Variants in SORCS2 observed in about 807,000 individuals in gnomAD.
SORCS2 encodes VPS10 domain-containing receptor SorCS2.
In SORCS2, 100 loss-of-function variants were observed where a neutral mutation model predicts 141.6. The observed-to-expected ratio is 0.71, with a 90% CI of 0.60 to 0.83. SORCS2 has a LOEUF of 0.83. Among genes scored for constraint, SORCS2 ranks in the 40% least tolerant of loss-of-function variants. The probability of loss-of-function intolerance (pLI) is 0.00; values close to 1 mark genes in which losing one functional copy is unlikely to be tolerated. For missense variants in SORCS2, 1,646 were observed against 1,560.2 expected (o/e 1.05, Z -0.93); for synonymous variants, 789 against 676.9 (o/e 1.17, Z -2.57).
At chr4:7,369,778 G>C (rs374083057) in intron 1 of SORCS2, among the ~76,000 whole-genome samples, 4 of 152,164 alleles carry the variant, frequency 2.6e-5, no homozygotes, top group African/African-American at 7.2e-5. Context: ...CGTGGATTTC[G>C]TCAGCGCATC....
intron 1 of SORCS2, among the ~76,000 whole-genome samples, chr4:7,320,920 T>G (rs1240293604): frequency 3.5e-5 from 5 of 143,092 alleles, no homozygotes; most frequent in Admixed American, 6.9e-5. Flanking sequence ...TCTTTCCTCT[T>G]TCTCCTTTCT....
intron 3 of SORCS2, among the ~76,000 whole-genome samples, chr4:7,637,690 G>A (rs112164528): frequency 2.0e-5 from 3 of 152,294 alleles, no homozygotes; most frequent in African/African-American, 4.8e-5. Context: ...GCCCAGCCCA[G>A]GCACTCATGA....
At chr4:7,635,446 T>G (rs1720179695) in intron 3 of SORCS2, among the ~76,000 whole-genome samples, 1 of 152,220 alleles carries the variant, frequency 6.6e-6, no homozygotes, top group Non-Finnish European at 1.5e-5. Flanking sequence ...CCAATCACTC[T>G]TACGTCCCGC....
chr4:7,559,680 C>G (rs1457440002), intron 3 of SORCS2, among the ~76,000 whole-genome samples: 2 of 152,198 alleles, frequency 1.3e-5, no homozygotes, highest in African/African-American at 4.8e-5. Flanking sequence ...CACCTGCCCA[C>G]TGTGCCATCT....
intron 1 of SORCS2, among the ~76,000 whole-genome samples, chr4:7,206,258 G>A (rs1727734284): frequency 6.6e-6 from 1 of 152,066 alleles, no homozygotes; most frequent in Non-Finnish European, 1.5e-5. Context: ...GGACTCCAGG[G>A]GCTCAGGGGC....
chr4:7,540,198 GCCC>G (rs1249699228), intron 3 of SORCS2, among the ~76,000 whole-genome samples: 2 of 94,986 alleles, frequency 2.1e-5, no homozygotes, highest in Admixed American at 1.2e-4. Context: ...GCCCCTCCCT[GCCC>G]CTCCCTGCCC....
intron 3 of SORCS2, among the ~76,000 whole-genome samples, chr4:7,574,488 G>A (rs556633694): frequency 3.9e-5 from 6 of 152,282 alleles, no homozygotes; most frequent in East Asian, 1.9e-4. Flanking sequence ...TTTCAGCTAC[G>A]TGTGTGTTAT....
rs573214854 is a variant in SORCS2 at position 7,244,474 on chromosome 4, G to A, written c.480+51348G>A. 9.8e-5 allele frequency among the ~76,000 whole-genome samples: 15 copies of A among 152,312 alleles called. No homozygotes were observed. The East Asian group carries it at 2.7e-3, about 27-fold the overall frequency. ...ACCCGCTGCTCCGTCCCTGCCCCTC[G>A]GTCGCTGTTGCATATTAAGTGCAGG... On this transcript the variant is annotated intron_variant, in intron 1 of 26. Coordinates refer to ENST00000507866, the MANE Select transcript of SORCS2 (RefSeq NM_020777.3).
intron 1 of SORCS2, among the ~76,000 whole-genome samples, chr4:7,317,845 G>A (rs999327190): frequency 6.6e-6 from 1 of 152,152 alleles, no homozygotes. Context: ...CAAATGTACA[G>A]AAACCCGAGA....
At chr4:7,629,228 CAAT>C (rs1418931362) in intron 3 of SORCS2, among the ~76,000 whole-genome samples, 1 of 151,844 alleles carries the variant, frequency 6.6e-6, no homozygotes, top group African/African-American at 2.4e-5. Context: ...CAAGTGTATA[CAAT>C]TATGATTGGT....
chr4:7,209,549 C>G (rs1293877515), intron 1 of SORCS2, among the ~76,000 whole-genome samples: 1 of 152,212 alleles, frequency 6.6e-6, no homozygotes, highest in South Asian at 2.1e-4. Context: ...GGTGCTGAAG[C>G]CTATCCCCTT....
At chr4:7,249,301 C>T (rs1427741633) in intron 1 of SORCS2, among the ~76,000 whole-genome samples, 1 of 152,080 alleles carries the variant, frequency 6.6e-6, no homozygotes, top group Non-Finnish European at 1.5e-5. Flanking sequence ...TCTCCTGCAG[C>T]CTCTTCATGT....
intron 2 of SORCS2, among the ~76,000 whole-genome samples, chr4:7,409,938 T>C (rs1725196660): frequency 1.3e-5 from 2 of 152,206 alleles, no homozygotes; most frequent in East Asian, 1.9e-4. Context: ...TTTTAATGTA[T>C]AGAATTTTAA....
chr4:7,394,617 TC>T (rs1724086655), intron 1 of SORCS2, among the ~76,000 whole-genome samples: 1 of 151,384 alleles, frequency 6.6e-6, no homozygotes, highest in South Asian at 2.1e-4. Context: ...GTGGGGACTC[TC>T]CCCTCGAGGG....
chr4:7,452,130 A>C (rs973022414), intron 2 of SORCS2, among the ~76,000 whole-genome samples: 2 of 151,082 alleles, frequency 1.3e-5, no homozygotes, highest in Non-Finnish European at 2.9e-5. Context: ...TCTGCCTTCC[A>C]GATGGAAGGC....
chr4:7,728,591 C>G, intron 22 of SORCS2, 129 bp downstream of exon 22: 1 of 632,214 alleles, frequency 1.6e-6, no homozygotes, highest in Non-Finnish European at 2.7e-6. Context: ...ATGCTCTGGT[C>G]TTCGGGCCAG....
intron 1 of SORCS2, among the ~76,000 whole-genome samples, chr4:7,390,793 G>T (rs953940249): frequency 6.6e-6 from 1 of 152,176 alleles, no homozygotes; most frequent in African/African-American, 2.4e-5. Context: ...TTATGAAAAT[G>T]GTCTTTTAGA....
At chr4:7,293,485 C>T (rs1716751952) in intron 1 of SORCS2, among the ~76,000 whole-genome samples, 1 of 152,152 alleles carries the variant, frequency 6.6e-6, no homozygotes, top group Non-Finnish European at 1.5e-5. Flanking sequence ...CTCCAATGAT[C>T]CCTCTGCTGT....
chr4:7,737,623 CTTTACAG>C (rs1408764843), intron 26 of SORCS2, among the ~76,000 whole-genome samples: 2 of 152,190 alleles, frequency 1.3e-5, no homozygotes, highest in African/African-American at 4.8e-5. Context: ...CGGCACTGCA[CTTTACAG>C]TTTATGAAGC....
Sources: gnomAD v4.1 joint callset for allele counts (sites outside exome capture counted in the v4.1 genomes callset) on GRCh38, gnomAD v4.1.1 for gene constraint, MANE v1.5 for transcripts, NCBI Gene and HGNC (gene_info 2026-07-23, HGNC 2026-07-21) for gene names.